The following SPRED2 variants were observed in gnomAD, a reference collection of about 807,000 sequenced individuals.
The protein encoded by SPRED2 is sprouty-related, EVH1 domain-containing protein 2.
A neutral mutation model predicts 43.0 loss-of-function variants in SPRED2; 47 were observed. That is an observed-to-expected ratio of 1.09 (90% CI 0.87 to 1.40). The LOEUF is 1.40. Among genes scored for constraint, SPRED2 ranks in the 40% most tolerant of loss-of-function variants. The pLI is 0.00. For missense variants in SPRED2, 561 were observed against 586.4 expected (o/e 0.96, Z 0.45); for synonymous variants, 225 against 225.7 (o/e 1.00, Z 0.03).
intron 1 of SPRED2, chr2:65,373,603 A>G (rs1675177229): frequency 6.6e-6 from 1 of 152,276 alleles, no homozygotes; most frequent in Non-Finnish European, 1.5e-5. Context: ...ACAAAGACCC[A>G]AGATGGGGAG....
At chr2:65,414,603 C>A (rs758063708) in intron 1 of SPRED2, among the ~76,000 whole-genome samples, 7 of 152,234 alleles carry the variant, frequency 4.6e-5, no homozygotes, top group African/African-American at 1.7e-4. Flanking sequence ...GCTGTTTGCT[C>A]TACTGCCAGG....
intron 5 of SPRED2, 25 bp from the exon 6 acceptor site, chr2:65,314,194 A>C (rs1243361147): frequency 1.3e-6 from 2 of 1,542,064 alleles, no homozygotes; most frequent in East Asian, 4.6e-5. Flanking sequence ...AGGAGACATT[A>C]TTTTACAGCA....
Position 65,312,683 on chromosome 2 carries a change from G to T in SPRED2, c.*818C>A, listed in dbSNP as rs1673102724. 1 of 985,722 alleles carries T rather than the reference G, an allele frequency of 1.0e-6. No homozygotes were observed. Among genetic ancestry groups the T allele is most frequent in the Admixed American group, 6.1e-5 (1 of 16,266 alleles). The allele number at this position is 985,722 out of a possible 1,614,324, so 61.1% of individuals were successfully genotyped here. On this transcript the variant is annotated 3_prime_UTR_variant, in exon 6 of 6. Transcript: ENST00000356388. The stretch of plus-strand genomic sequence containing the variant: ...TTTAGGGGTAATGGGGAGGCTCATA[G>T]AAACCTGAAATCCCCATTCTAGCCC...
At chr2:65,340,014 C>T (rs1451356942) in intron 2 of SPRED2, among the ~76,000 whole-genome samples, 1 of 152,116 alleles carries the variant, frequency 6.6e-6, no homozygotes, top group Non-Finnish European at 1.5e-5. Flanking sequence ...TCTGGTAAGC[C>T]AGATATTAAT....
intron 2 of SPRED2, among the ~76,000 whole-genome samples, chr2:65,341,128 T>TGC (rs1553418731): frequency 2.8e-5 from 4 of 143,286 alleles, no homozygotes; most frequent in African/African-American, 1.0e-4. Flanking sequence ...TGTGTGTGTG[T>TGC]GCATGTGCAT....
In SPRED2 at chr2:65,376,268, T is replaced by C. The variant is rs544396258; in HGVS notation, c.27-31372A>G. 6.6e-5 allele frequency among the ~76,000 whole-genome samples: 10 copies of C among 152,320 alleles called. 1 individual carries two copies. Among genetic ancestry groups the C allele is most frequent in the Admixed American group, 5.9e-4 (9 of 15,298 alleles). On this transcript the variant is annotated intron_variant, in intron 1 of 5. Transcript: ENST00000356388. ...GAGCCAACCATGTATTTATTATCTG[T>C]TGCTGAGGAAAGCATCATGGGAAGA...
At chr2:65,322,270 C>CTCTATA (rs1468134315) in intron 4 of SPRED2, among the ~76,000 whole-genome samples, 12 of 36,464 alleles carry the variant, frequency 3.3e-4, no homozygotes, top group African/African-American at 1.2e-3. Context: ...CTCTCTCTCT[C>CTCTATA]TATATATATA....
Position 65,314,023 on chromosome 2 carries a change from C to T in SPRED2, c.735G>A (p.Glu245=), listed in dbSNP as rs1673160579. The change falls in exon 6 of 6, where the codon GAG becomes GAA. Residue 245 remains glutamate, a synonymous_variant. Transcript: ENST00000356388. ...PVRGKYPDPS[E]DADSSYVRFA... is the part of the protein sequence containing the mutation. ...AGCGCACGTAGGAGGAGTCCGCGTCCTCCGAGGGGTCCGGGTACTTGCCCC... is the reference window on the plus strand; with the variant it reads ...AGCGCACGTAGGAGGAGTCCGCGTCTTCCGAGGGGTCCGGGTACTTGCCCC... 1.9e-6 allele frequency: 3 copies of T among 1,613,978 alleles called. No individual in the cohort carries two copies. The highest frequency in any genetic ancestry group is 2.5e-6 in the Non-Finnish European group (3 of 1,180,034).
rs1668909284 is a variant in SPRED2 at position 65,432,439 on chromosome 2, CGG to C, written c.-454_-453del. ...ACGGTTCCGGGGAGCGGTCGGCGGC[CGG>C]GGGAGGTGCGCCTGGGAGGCGGTGC... On this transcript the variant is annotated 5_prime_UTR_variant, in exon 1 of 6. The change abolishes the stop of an existing upstream ORF in the 5' untranslated region. Coordinates refer to ENST00000356388, the MANE Select transcript of SPRED2 (RefSeq NM_181784.3). 1 of 161,722 alleles carries C rather than the reference CGG, an allele frequency of 6.2e-6. No individual in the cohort carries two copies. Among genetic ancestry groups the C allele is most frequent in the Non-Finnish European group, 1.3e-5 (1 of 74,458 alleles). The allele number at this position is 161,722 out of a possible 1,614,324, so 10.0% of individuals were successfully genotyped here. A position where few individuals can be genotyped will look rare whatever the true frequency, so the allele number is the denominator to read the frequency against.
intron 1 of SPRED2, among the ~76,000 whole-genome samples, chr2:65,360,657 T>C (rs536012064): frequency 2.0e-4 from 31 of 152,314 alleles, no homozygotes; most frequent in Admixed American, 3.3e-4. Flanking sequence ...AGAACAGTGG[T>C]TGCCAGAGGC....
chr2:65,324,165 A>G (rs1673528722), intron 4 of SPRED2, among the ~76,000 whole-genome samples: 1 of 151,870 alleles, frequency 6.6e-6, no homozygotes, highest in Non-Finnish European at 1.5e-5. Context: ...AACATCTCCA[A>G]AAAAAGAGCA....
chr2:65,317,738 G>A (rs1012144371), intron 4 of SPRED2, among the ~76,000 whole-genome samples: 4 of 152,094 alleles, frequency 2.6e-5, no homozygotes, highest in African/African-American at 9.7e-5. Context: ...CGTATCTTGA[G>A]TACTGGATTT....
chr2:65,388,193 T>C (rs1443842703), intron 1 of SPRED2, among the ~76,000 whole-genome samples: 1 of 152,238 alleles, frequency 6.6e-6, no homozygotes, highest in Non-Finnish European at 1.5e-5. Context: ...CTCACCCACA[T>C]GCTGTGTTCA....
intron 1 of SPRED2, among the ~76,000 whole-genome samples, chr2:65,408,863 G>A (rs1206348197): frequency 6.6e-6 from 1 of 152,182 alleles, no homozygotes; most frequent in Non-Finnish European, 1.5e-5. Flanking sequence ...ACAAGCGTGA[G>A]CCACTGCACC....
At chr2:65,374,653 G>A (rs764800284) in intron 1 of SPRED2, among the ~76,000 whole-genome samples, 2 of 152,216 alleles carry the variant, frequency 1.3e-5, no homozygotes, top group Non-Finnish European at 2.9e-5. Flanking sequence ...GGCAGCCAAA[G>A]TTACTAAATA....
intron 4 of SPRED2, among the ~76,000 whole-genome samples, chr2:65,321,929 C>G (rs550403397): frequency 8.7e-4 from 132 of 152,104 alleles, no homozygotes; most frequent in African/African-American, 3.0e-3. Flanking sequence ...CGTGCCAACA[C>G]GTTTGGCTAA....
At chr2:65,307,875 G>A (rs1443530266), downstream of SPRED2, among the ~76,000 whole-genome samples, 10 of 152,302 alleles carry the variant, frequency 6.6e-5, no homozygotes, top group South Asian at 1.2e-3. Flanking sequence ...CCCACGAATC[G>A]GAAAGACCAA....
chr2:65,369,601 T>C (rs937114180), intron 1 of SPRED2, among the ~76,000 whole-genome samples: 1 of 151,412 alleles, frequency 6.6e-6, no homozygotes, highest in Non-Finnish European at 1.5e-5. Context: ...ATGCTAATGA[T>C]ACCACTATTT....
intron 1 of SPRED2, among the ~76,000 whole-genome samples, chr2:65,347,772 G>A (rs543213852): frequency 6.6e-6 from 1 of 152,134 alleles, no homozygotes; most frequent in Non-Finnish European, 1.5e-5. Flanking sequence ...CATCGAATAC[G>A]TATCACAATC....
Sources: allele counts gnomAD v4.1 joint callset (sites outside exome capture counted in the v4.1 genomes callset), GRCh38; gene constraint gnomAD v4.1.1; transcripts MANE v1.5; gene names NCBI Gene and HGNC (gene_info 2026-07-23, HGNC 2026-07-21).